The following SYNJ1 variants were observed in gnomAD, a reference collection of about 807,000 sequenced individuals.
SYNJ1 encodes the protein synaptojanin 1, also known as polyphosphatidylinositol phosphatase SYNJ1.
Under a neutral mutation model 168.2 loss-of-function variants are expected in SYNJ1, and 78 were observed. The observed-to-expected ratio is 0.46, with a 90% CI of 0.39 to 0.56. The LOEUF is 0.56. SYNJ1 is among the 20% of genes least tolerant of loss of function. The probability of loss-of-function intolerance (pLI) is 0.00; values close to 1 mark genes in which losing one functional copy is unlikely to be tolerated. For missense variants in SYNJ1, 1,303 were observed against 1,597.6 expected (o/e 0.82, Z 3.14); for synonymous variants, 539 against 548.6 (o/e 0.98, Z 0.24).
At position 32,691,111 on chromosome 21, in the gene SYNJ1, C is replaced by G. The variant is rs572482666; in HGVS notation, c.790-2744G>C. On this transcript the variant is annotated intron_variant, in intron 6 of 32. Transcript: ENST00000674351. ...TGATACGGTTTGGATCTGTGTACCC[C>G]CTAAATCTCATTCTGAATTGTAACC... Among the ~76,000 whole-genome samples the G allele has an allele frequency of 2.2e-4, 33 of 152,190 alleles. No individual in the cohort carries two copies. The South Asian group carries it at 6.2e-3, about 29-fold the overall frequency.
intron 2 of SYNJ1, among the ~76,000 whole-genome samples, chr21:32,712,975 C>T (rs1250305711): frequency 1.3e-5 from 2 of 152,166 alleles, no homozygotes; most frequent in African/African-American, 2.4e-5. Flanking sequence ...AAAACATGTA[C>T]AAGGATGTTC....
At chr21:32,680,814 G>A (rs547514080) in intron 11 of SYNJ1, among the ~76,000 whole-genome samples, 3 of 152,006 alleles carry the variant, frequency 2.0e-5, no homozygotes, top group African/African-American at 4.8e-5. Context: ...ATGTGGTTTC[G>A]CTATGTTGGC....
intron 29 of SYNJ1, among the ~76,000 whole-genome samples, chr21:32,641,630 A>G (rs2039841073): frequency 6.6e-6 from 1 of 152,206 alleles, no homozygotes; most frequent in Non-Finnish European, 1.5e-5. Flanking sequence ...ATTTCCTCAT[A>G]TACTGAGACT....
intron 18 of SYNJ1, chr21:32,658,569 C>G (rs774955509): frequency 1.3e-5 from 2 of 152,268 alleles, no homozygotes; most frequent in African/African-American, 4.8e-5. Flanking sequence ...ACTGACCCCC[C>G]ACTAAGCTGT....
chr21:32,708,183 T>C (rs978934675), intron 2 of SYNJ1, among the ~76,000 whole-genome samples: 30 of 152,288 alleles, frequency 2.0e-4, no homozygotes, highest in African/African-American at 7.0e-4. Context: ...TGTTAAATGG[T>C]TGCTAACTAG....
chr21:32,681,272 TATATAC>T (rs1569085246), intron 11 of SYNJ1, among the ~76,000 whole-genome samples: 1 of 152,222 alleles, frequency 6.6e-6, no homozygotes, highest in African/African-American at 2.4e-5. Flanking sequence ...AGATACGTTA[TATATAC>T]ATACTTCCCA....
chr21:32,666,689 CT>C, intron 15 of SYNJ1, 116 bp from the exon 16 acceptor site: 2 of 1,090,062 alleles, frequency 1.8e-6, no homozygotes, highest in Non-Finnish European at 2.4e-6. Context: ...CTGAAGGAAG[CT>C]TAGGCTGTTT....
At chr21:32,695,934 C>T (rs541110712) in intron 4 of SYNJ1, among the ~76,000 whole-genome samples, 7 of 151,870 alleles carry the variant, frequency 4.6e-5, no homozygotes, top group African/African-American at 1.7e-4. Context: ...GCAAGCTCTG[C>T]CTCCCAGTTT....
intron 11 of SYNJ1, among the ~76,000 whole-genome samples, chr21:32,680,102 A>T (rs2041563592): frequency 6.6e-6 from 1 of 152,322 alleles, no homozygotes; most frequent in Non-Finnish European, 1.5e-5. Context: ...TAAAAGGAAT[A>T]AATCAAAGTT....
chr21:32,684,305 C>T (rs2041740425), intron 9 of SYNJ1, among the ~76,000 whole-genome samples, 186 bp from the exon 10 acceptor site: 1 of 152,188 alleles, frequency 6.6e-6, no homozygotes, highest in Non-Finnish European at 1.5e-5. Context: ...AATTTGACAA[C>T]TGTTAACATT....
Position 32,666,451 on chromosome 21 carries a change from TG to T in SYNJ1, c.1933del (p.Gln645SerfsTer14), listed in dbSNP as rs764757713. ...GVCLFVFIRP[Q>X]HAPFIRDVAV... ...TACTGACCTGATAAAAGGAGCATGCTGTGGTCTGATAAAAACAAACAAACAG... is the reference window on the plus strand; with the variant it reads ...TACTGACCTGATAAAAGGAGCATGCTTGGTCTGATAAAAACAAACAAACAG... On this transcript the variant is annotated frameshift_variant, in exon 16 of 33. Coordinates refer to ENST00000674351, the MANE Select transcript of SYNJ1 (RefSeq NM_203446.3). LOFTEE classifies it high-confidence loss of function. The T allele has an allele frequency of 6.2e-7, 1 of 1,614,066 alleles. No individual in the cohort carries two copies. The highest frequency in any genetic ancestry group is 8.5e-7 in the Non-Finnish European group (1 of 1,179,980).
intron 18 of SYNJ1, among the ~76,000 whole-genome samples, chr21:32,663,959 G>GA (rs1421685470): frequency 5.3e-5 from 8 of 152,328 alleles, no homozygotes; most frequent in African/African-American, 1.9e-4. Flanking sequence ...AGGGCAAGTA[G>GA]TTGAAGACAT....
chr21:32,638,015 G>A (rs1043680525), intron 31 of SYNJ1, among the ~76,000 whole-genome samples: 9 of 152,128 alleles, frequency 5.9e-5, no homozygotes, highest in South Asian at 2.1e-4. Context: ...TTGCCAATAC[G>A]TATTATTTCT....
chr21:32,650,995 A>G (rs2040250991), intron 22 of SYNJ1, among the ~76,000 whole-genome samples: 1 of 152,234 alleles, frequency 6.6e-6, no homozygotes, highest in Non-Finnish European at 1.5e-5. Flanking sequence ...CTTTTAGACT[A>G]AAGTATAATC....
intron 28 of SYNJ1, 62 bp downstream of exon 28, chr21:32,642,033 T>C: frequency 1.2e-6 from 2 of 1,613,202 alleles, no homozygotes; most frequent in South Asian, 1.1e-5. Flanking sequence ...TGTACTTATA[T>C]TCCAAGTGTC....
intron 2 of SYNJ1, among the ~76,000 whole-genome samples, chr21:32,712,902 T>G (rs924629530): frequency 6.6e-6 from 1 of 152,178 alleles, no homozygotes; most frequent in Non-Finnish European, 1.5e-5. Context: ...ACGTATATAC[T>G]GTGATCCAGC....
chr21:32,699,120 T>C (rs534268637), intron 4 of SYNJ1, among the ~76,000 whole-genome samples: 3 of 152,182 alleles, frequency 2.0e-5, no homozygotes, highest in Admixed American at 6.5e-5. Flanking sequence ...TAGCAATGTC[T>C]ATCCCTTGTT....
In SYNJ1 at chr21:32,640,188, G is replaced by A. The variant is rs183163280; in HGVS notation, c.3589-409C>T. Among the ~76,000 whole-genome samples, 300 of 152,230 alleles carry A rather than the reference G, an allele frequency of 2.0e-3. 1 individual carries two copies. Among genetic ancestry groups the A allele is most frequent in the African/African-American group, 7.1e-3 (294 of 41,536 alleles). ...GCTAGGGTTCTTAACCATGTGCAAT[G>A]CTGTCTTTATGGGGAAAACTGGGAT... On this transcript the variant is annotated intron_variant, in intron 29 of 32. Coordinates refer to ENST00000674351, the MANE Select transcript of SYNJ1 (RefSeq NM_203446.3).
chr21:32,681,378 A>T, intron 11 of SYNJ1, 118 bp downstream of exon 11: 1 of 1,207,614 alleles, frequency 8.3e-7, no homozygotes. Flanking sequence ...ATTAAACAGA[A>T]TTCTAAGACA....
Sources: allele counts gnomAD v4.1 joint callset (sites outside exome capture counted in the v4.1 genomes callset), GRCh38; gene constraint gnomAD v4.1.1; transcripts MANE v1.5; gene names NCBI Gene and HGNC (gene_info 2026-07-23, HGNC 2026-07-21).